The following NXN variants were observed in gnomAD, a reference collection of about 807,000 sequenced individuals.
NXN encodes the protein nucleoredoxin.
Under a neutral mutation model 48.6 loss-of-function variants are expected in NXN, and 16 were observed. That is an observed-to-expected ratio of 0.33 (90% confidence interval 0.22 to 0.50). NXN has a LOEUF of 0.50. Among genes scored for constraint, NXN ranks in the 20% least tolerant of loss-of-function variants. The pLI is 0.98. For missense variants in NXN, 492 were observed against 605.5 expected (o/e 0.81, Z 1.97); for synonymous variants, 281 against 269.6 (o/e 1.04, Z -0.41).
rs2069509528 is a variant in NXN, at chr17:979,409, G to A, written c.270C>T (p.Phe90=). The A allele has an allele frequency of 1.4e-6, 2 of 1,418,116 alleles. No homozygotes were observed. Among genetic ancestry groups the A allele is most frequent in the South Asian group, 1.4e-5 (1 of 70,968 alleles). 87.8% of individuals were successfully genotyped at this position (1,418,116 alleles called of 1,614,324 possible). A position where few individuals can be genotyped will look rare whatever the true frequency, so the allele number is the denominator to read the frequency against. ...GCCGCTGGTCCTGGTCCGAGGACACGAAGACGATCTCCAGGCGCCGCCGCG... is the reference window on the plus strand; with the variant it reads ...GCCGCTGGTCCTGGTCCGAGGACACAAAGACGATCTCCAGGCGCCGCCGCG... ...PEPRRRLEIV[F]VSSDQDQRQW... Residue 90 remains phenylalanine, a synonymous_variant, in exon 1 of 8, where the codon TTC becomes TTT. Transcript: ENST00000336868.
At chr17:863,417 T>A (rs1163797107) in intron 1 of NXN, among the ~76,000 whole-genome samples, 1 of 152,178 alleles carries the variant, frequency 6.6e-6, no homozygotes, top group Non-Finnish European at 1.5e-5. Flanking sequence ...TCAGCCCGCC[T>A]CAGCCTCCCG....
intron 1 of NXN, among the ~76,000 whole-genome samples, chr17:965,612 ACTC>A (rs2069292948): frequency 6.6e-6 from 1 of 151,514 alleles, no homozygotes; most frequent in African/African-American, 2.4e-5. Context: ...TGACTAACAG[ACTC>A]CTCCTAGCCT....
At chr17:846,161 G>A (rs1340592598) in intron 1 of NXN, among the ~76,000 whole-genome samples, 1 of 152,092 alleles carries the variant, frequency 6.6e-6, no homozygotes, top group Non-Finnish European at 1.5e-5. Context: ...AGGCACGGTG[G>A]CTTGTGCCTA....
chr17:832,715 C>T (rs1403511392), intron 1 of NXN, among the ~76,000 whole-genome samples: 1 of 152,124 alleles, frequency 6.6e-6, no homozygotes, highest in African/African-American at 2.4e-5. Context: ...GGGTAAGAAA[C>T]TGTAACCTGC....
In NXN at chr17:809,899, C is replaced by G. The variant is rs555874159; in HGVS notation, c.821-4652G>C. 7.2e-3 allele frequency among the ~76,000 whole-genome samples: 657 copies of G among 90,898 alleles called. 54 individuals are homozygous for G. The highest frequency in any genetic ancestry group is 0.014 in the East Asian group (31 of 2,272). The allele number at this position is 90,898 out of a possible 152,430, so 59.6% of individuals were successfully genotyped here. ...TGAGTGGCGTGTACGTTAAGAGTCCCTGTGAGTGCCGTGCACGTTAAGAGT... is the reference window on the plus strand; with the variant it reads ...TGAGTGGCGTGTACGTTAAGAGTCCGTGTGAGTGCCGTGCACGTTAAGAGT... On this transcript the variant is annotated intron_variant, in intron 5 of 7. Transcript: ENST00000336868.
chr17:950,850 A>G (rs576004312), intron 1 of NXN, among the ~76,000 whole-genome samples: 1 of 152,048 alleles, frequency 6.6e-6, no homozygotes, highest in South Asian at 2.1e-4. Context: ...CACAAAGAAG[A>G]CCAACAAATG....
At chr17:878,888 G>A (rs1848540739) in intron 1 of NXN, among the ~76,000 whole-genome samples, 1 of 152,218 alleles carries the variant, frequency 6.6e-6, no homozygotes, top group South Asian at 2.1e-4. Flanking sequence ...AGACAGGCCA[G>A]GTGCGGTGGC....
chr17:882,666 C>G (rs1255545792), intron 1 of NXN, among the ~76,000 whole-genome samples: 1 of 152,006 alleles, frequency 6.6e-6, no homozygotes, highest in East Asian at 1.9e-4. Flanking sequence ...AGGGTTTCAC[C>G]GTGTTAGCCA....
At chr17:938,389 G>T (rs1308944282) in intron 1 of NXN, among the ~76,000 whole-genome samples, 1 of 152,184 alleles carries the variant, frequency 6.6e-6, no homozygotes, top group African/African-American at 2.4e-5. Flanking sequence ...CAAAGAAAAG[G>T]TCCCCAGCCC....
At chr17:862,907 CA>C (rs1393310535) in intron 1 of NXN, among the ~76,000 whole-genome samples, 1 of 152,196 alleles carries the variant, frequency 6.6e-6, no homozygotes. Flanking sequence ...ATCAATGCTA[CA>C]TTTCTTGGGT....
intron 1 of NXN, among the ~76,000 whole-genome samples, chr17:900,983 C>T (rs965052315): frequency 5.5e-5 from 8 of 144,206 alleles, no homozygotes; most frequent in Non-Finnish European, 7.4e-5. Context: ...TGCAATGGCA[C>T]GATCTTGGTT....
chr17:963,626 T>A (rs1480031771), intron 1 of NXN, among the ~76,000 whole-genome samples: 1 of 148,644 alleles, frequency 6.7e-6, no homozygotes, highest in Non-Finnish European at 1.5e-5. Context: ...AAAAAGGAAA[T>A]TTTTTTTTTT....
intron 1 of NXN, among the ~76,000 whole-genome samples, chr17:936,403 G>T (rs557486108): frequency 6.6e-6 from 1 of 152,078 alleles, no homozygotes; most frequent in South Asian, 2.1e-4. Flanking sequence ...GGTGGTGAGT[G>T]TGCACCACAC....
chr17:880,409 C>T (rs1227294347), intron 1 of NXN, among the ~76,000 whole-genome samples: 2 of 152,122 alleles, frequency 1.3e-5, no homozygotes, highest in African/African-American at 4.8e-5. Flanking sequence ...ATAAGAACTT[C>T]TTTGTGGCCT....
intron 1 of NXN, among the ~76,000 whole-genome samples, chr17:967,471 A>G (rs2069320528): frequency 6.6e-6 from 1 of 152,234 alleles, no homozygotes. Flanking sequence ...CAGGAAACTC[A>G]GACCCTTCTG....
chr17:824,036 ATT>A (rs11345667), intron 2 of NXN, among the ~76,000 whole-genome samples: 3,433 of 116,762 alleles, frequency 0.029, 96 homozygotes, highest in African/African-American at 0.094. Flanking sequence ...TTCCAGGGAC[ATT>A]TTTTTTTTTT....
At chr17:903,413 G>A (rs1208990957) in intron 1 of NXN, among the ~76,000 whole-genome samples, 1 of 148,494 alleles carries the variant, frequency 6.7e-6, no homozygotes, top group Admixed American at 6.7e-5. Context: ...ACAGGGTCTC[G>A]CTCTGTCACC....
chr17:916,661 G>A (rs1056057596), intron 1 of NXN, among the ~76,000 whole-genome samples: 3 of 152,120 alleles, frequency 2.0e-5, no homozygotes, highest in African/African-American at 4.8e-5. Context: ...GCAGCTGGCC[G>A]GGCACGGTGG....
In NXN at chr17:822,866, A is replaced by C. The variant is rs370398659; in HGVS notation, c.613-409T>G. On this transcript the variant is annotated intron_variant, in intron 3 of 7. Transcript: ENST00000336868. The stretch of plus-strand genomic sequence containing the variant: ...TGTCACCCCAGCACTTTGGGAGGCC[A>C]AGGTGGGTGCATCACCTGAGTTCAG... 2.4e-4 allele frequency among the ~76,000 whole-genome samples: 36 copies of C among 152,054 alleles called. 2 individuals carry two copies. Among genetic ancestry groups the C allele is most frequent in the African/African-American group, 8.7e-4 (36 of 41,504 alleles).
Sources: allele counts gnomAD v4.1 joint callset (sites outside exome capture counted in the v4.1 genomes callset), GRCh38; gene constraint gnomAD v4.1.1; transcripts MANE v1.5; gene names NCBI Gene and HGNC (gene_info 2026-07-23, HGNC 2026-07-21).